The following TBC1D22A variants were observed in gnomAD, a reference collection of about 807,000 sequenced individuals.
The protein encoded by TBC1D22A is putative GTPase activator.
TBC1D22A carries 38 observed loss-of-function variants against 60.2 expected under a neutral mutation model. That is an observed-to-expected ratio of 0.63 (90% CI 0.49 to 0.83). The LOEUF is 0.83. Among genes scored for constraint, TBC1D22A ranks in the 40% least tolerant of loss-of-function variants. TBC1D22A has a pLI of 0.00. For missense variants in TBC1D22A, 628 were observed against 701.0 expected (o/e 0.90, Z 1.18); for synonymous variants, 302 against 281.7 (o/e 1.07, Z -0.72).
intron 11 of TBC1D22A, among the ~76,000 whole-genome samples, chr22:47,059,738 T>A (rs957600245): frequency 6.6e-6 from 1 of 152,218 alleles, no homozygotes; most frequent in East Asian, 1.9e-4. Flanking sequence ...TCCAGCAGCA[T>A]CCCTGCGCTT....
At chr22:47,122,828 T>C (rs1411559871) in intron 12 of TBC1D22A, among the ~76,000 whole-genome samples, 1 of 152,168 alleles carries the variant, frequency 6.6e-6, no homozygotes, top group Non-Finnish European at 1.5e-5. Flanking sequence ...GTGCCCAGCC[T>C]CTCTGGCTGT....
intron 4 of TBC1D22A, among the ~76,000 whole-genome samples, chr22:46,802,470 C>T (rs779308575): frequency 3.9e-5 from 6 of 152,130 alleles, no homozygotes; most frequent in East Asian, 1.9e-4. Context: ...AAAGGTCCTG[C>T]GGGCAATAGA....
intron 4 of TBC1D22A, among the ~76,000 whole-genome samples, chr22:46,841,193 A>G (rs984393997): frequency 1.3e-5 from 2 of 152,162 alleles, no homozygotes; most frequent in East Asian, 1.9e-4. Flanking sequence ...GGTGGGGCCT[A>G]TAGGAGGTGA....
chr22:46,992,995 G>A lies in TBC1D22A; in HGVS notation c.1126-4639G>A, dbSNP rs149570087. 7.6e-3 allele frequency among the ~76,000 whole-genome samples: 1,162 copies of A among 152,298 alleles called. 18 individuals are homozygous for A. Among genetic ancestry groups the A allele is most frequent in the African/African-American group, 0.027 (1,107 of 41,548 alleles). On this transcript the variant is annotated intron_variant, in intron 9 of 12. Transcript: ENST00000337137. The stretch of plus-strand genomic sequence containing the variant: ...TGTGGGGAAGACACTATGTTACGGT[G>A]AAATTAGCCTGGAAAGAAGAGGCTG...
intron 12 of TBC1D22A, among the ~76,000 whole-genome samples, chr22:47,135,278 T>G (rs1287198375): frequency 6.6e-6 from 1 of 152,230 alleles, no homozygotes; most frequent in African/African-American, 2.4e-5. Context: ...GATGAGGGTC[T>G]GCGGTGGGTC....
intron 11 of TBC1D22A, among the ~76,000 whole-genome samples, chr22:47,087,627 C>T (rs1403844660): frequency 2.0e-5 from 3 of 152,102 alleles, no homozygotes; most frequent in South Asian, 2.1e-4. Context: ...TACCTACTTA[C>T]TGAAATACAT....
intron 11 of TBC1D22A, among the ~76,000 whole-genome samples, chr22:47,041,030 G>A (rs965039484): frequency 2.6e-5 from 4 of 152,124 alleles, no homozygotes; most frequent in Non-Finnish European, 4.4e-5. Context: ...CGGGGGACTC[G>A]CTGGTAAACG....
chr22:46,863,283 A>G (rs191868617), intron 4 of TBC1D22A, among the ~76,000 whole-genome samples: 149 of 152,286 alleles, frequency 9.8e-4, no homozygotes, highest in Non-Finnish European at 1.8e-3. Context: ...CATGGAGGAG[A>G]TGATGTTCCA....
intron 7 of TBC1D22A, 29 bp downstream of exon 7, chr22:46,894,875 C>G (rs1288977408): frequency 6.2e-7 from 1 of 1,613,778 alleles, no homozygotes. Flanking sequence ...GGGGAGTTCC[C>G]CTCGTTGGGA....
intron 8 of TBC1D22A, among the ~76,000 whole-genome samples, chr22:46,927,828 C>T (rs1025307319): frequency 5.9e-5 from 9 of 152,112 alleles, no homozygotes; most frequent in East Asian, 1.9e-4. Flanking sequence ...AATCCACTTA[C>T]ATCAGAATGA....
chr22:46,985,709 T>C (rs2074697242), intron 9 of TBC1D22A, among the ~76,000 whole-genome samples: 1 of 152,196 alleles, frequency 6.6e-6, no homozygotes, highest in African/African-American at 2.4e-5. Context: ...GAATAACATT[T>C]CTGTGAACAC....
At chr22:47,012,721 A>T (rs1008613349) in intron 10 of TBC1D22A, among the ~76,000 whole-genome samples, 4 of 152,228 alleles carry the variant, frequency 2.6e-5, no homozygotes, top group Non-Finnish European at 5.9e-5. Flanking sequence ...TGTGGCCTTC[A>T]GGTAGGACCA....
chr22:46,942,480 C>T (rs926486789), intron 8 of TBC1D22A, among the ~76,000 whole-genome samples: 1 of 152,118 alleles, frequency 6.6e-6, no homozygotes, highest in Non-Finnish European at 1.5e-5. Flanking sequence ...GCTAACGTCA[C>T]GTGTCGAAGT....
At chr22:47,114,570 G>A (rs907396683) in intron 12 of TBC1D22A, among the ~76,000 whole-genome samples, 3 of 152,228 alleles carry the variant, frequency 2.0e-5, no homozygotes, top group Admixed American at 6.5e-5. Context: ...CGGGGAATGT[G>A]TGTGTGCAGT....
chr22:47,113,724 A>G (rs2065930668), intron 12 of TBC1D22A, among the ~76,000 whole-genome samples: 1 of 152,144 alleles, frequency 6.6e-6, no homozygotes, highest in Non-Finnish European at 1.5e-5. Context: ...CCAGACACAC[A>G]CTGGCCGTGG....
At chr22:46,778,556 C>T (rs1161327985) in intron 1 of TBC1D22A, among the ~76,000 whole-genome samples, 1 of 152,098 alleles carries the variant, frequency 6.6e-6, no homozygotes, top group Non-Finnish European at 1.5e-5. Flanking sequence ...CTGGCTTCCA[C>T]CTCCACATCT....
chr22:46,874,001 G>A (rs978050800), intron 4 of TBC1D22A, among the ~76,000 whole-genome samples: 4 of 152,094 alleles, frequency 2.6e-5, no homozygotes, highest in African/African-American at 7.2e-5. Context: ...TAGTAGAGAC[G>A]GGGTTTCACT....
intron 4 of TBC1D22A, among the ~76,000 whole-genome samples, chr22:46,825,869 A>G (rs2086032195): frequency 6.6e-6 from 1 of 150,974 alleles, no homozygotes; most frequent in South Asian, 2.1e-4. Context: ...GGGTGATGAG[A>G]CACTGTGGTG....
At chr22:46,862,477 A>C (rs550835651) in intron 4 of TBC1D22A, among the ~76,000 whole-genome samples, 3 of 152,122 alleles carry the variant, frequency 2.0e-5, no homozygotes, top group South Asian at 4.2e-4. Flanking sequence ...GCATGTATGC[A>C]CTCTGTGGCT....
Sources: gnomAD v4.1 joint callset for allele counts (sites outside exome capture counted in the v4.1 genomes callset) on GRCh38, gnomAD v4.1.1 for gene constraint, MANE v1.5 for transcripts, NCBI Gene and HGNC (gene_info 2026-07-23, HGNC 2026-07-21) for gene names.